GRIK3: variants seen among roughly 807,000 people sequenced by gnomAD.
The protein encoded by GRIK3 is glutamate ionotropic receptor kainate type subunit 3.
A neutral mutation model predicts 102.5 loss-of-function variants in GRIK3; 29 were observed. The observed-to-expected ratio is 0.28, with a 90% CI of 0.21 to 0.39. GRIK3 has a LOEUF of 0.39. GRIK3 is among the 10% of genes least tolerant of loss of function. The pLI, the probability that GRIK3 is intolerant of heterozygous loss-of-function variation, is 1.00. For missense variants in GRIK3, 908 were observed against 1,252.4 expected (o/e 0.73, Z 4.15); for synonymous variants, 511 against 504.9 (o/e 1.01, Z -0.16).
At chr1:36,833,686 C>T (rs867179700) in intron 10 of GRIK3, among the ~76,000 whole-genome samples, 17 of 152,194 alleles carry the variant, frequency 1.1e-4, no homozygotes, top group Admixed American at 1.0e-3. Flanking sequence ...ACAGCGGGGG[C>T]AATGGTAGTG....
intron 5 of GRIK3, among the ~76,000 whole-genome samples, chr1:36,861,153 T>G (rs1640719581): frequency 6.6e-6 from 1 of 152,226 alleles, no homozygotes; most frequent in Non-Finnish European, 1.5e-5. Flanking sequence ...AAATGCTCCT[T>G]GAGTCAGCTT....
In GRIK3 at chr1:36,890,898, G is replaced by A. The variant is rs1009682925; in HGVS notation, c.292+22C>T. 4 of 1,576,460 alleles carry A rather than the reference G, an allele frequency of 2.5e-6. No individual in the cohort carries two copies. The African/African-American group carries it at 5.4e-5, about 21-fold the overall frequency. On this transcript the variant is annotated intron_variant, in intron 2 of 15. Transcript: ENST00000373091. The stretch of plus-strand genomic sequence containing the variant: ...CCCTCCCCAGGCTGGGAAGAGAACA[G>A]AGGCAGGAGCTGCACACTCACCCTT...
At position 36,890,952 on chromosome 1, in the gene GRIK3, T is replaced by C. The variant is rs1641107505; in HGVS notation, c.260A>G (p.His87Arg). The change falls in exon 2 of 16, where the codon CAC (histidine) becomes CGC (arginine). Residue 87 changes from histidine to arginine, a missense_variant. Physicochemically the swap from His to Arg is conservative, Grantham distance 29 (BLOSUM62 0). Transcript: ENST00000373091. ...TTLTYDIQRI[H>R]FHDSFEATKK... Reference sequence around the variant, plus strand: ...GGTCGCCTCGAAGCTGTCATGGAAGTGAATCCTCTGTATGTCATAGGTCAA... The same window carrying C: ...GGTCGCCTCGAAGCTGTCATGGAAGCGAATCCTCTGTATGTCATAGGTCAA... 4 of 1,613,274 alleles carry C rather than the reference T, an allele frequency of 2.5e-6. No homozygotes were observed. In the East Asian group the frequency reaches 8.9e-5, roughly 36 times the overall value.
intron 1 of GRIK3, among the ~76,000 whole-genome samples, chr1:37,031,046 A>G (rs553076604): frequency 1.2e-4 from 18 of 152,280 alleles, no homozygotes; most frequent in South Asian, 4.1e-4. Context: ...GAGGTCACTG[A>G]AGCCCGTTTG....
chr1:36,908,073 A>T (rs898748887), intron 1 of GRIK3, among the ~76,000 whole-genome samples: 2 of 151,166 alleles, frequency 1.3e-5, no homozygotes, highest in South Asian at 4.2e-4. Context: ...CCCTCCCCAC[A>T]CTCCCCACCT....
At chr1:36,847,574 T>C (rs1640533078) in intron 9 of GRIK3, among the ~76,000 whole-genome samples, 1 of 152,200 alleles carries the variant, frequency 6.6e-6, no homozygotes, top group African/African-American at 2.4e-5. Flanking sequence ...CACTGGGGAC[T>C]GGATTTGTAA....
intron 3 of GRIK3, among the ~76,000 whole-genome samples, chr1:36,877,286 A>G (rs2986141): frequency 0.014 from 2,193 of 152,158 alleles, 46 homozygotes; most frequent in African/African-American, 0.045. Flanking sequence ...TTCCAGTTAC[A>G]TGTCTTCAAC....
At chr1:36,902,819 T>C (rs576066533) in intron 1 of GRIK3, among the ~76,000 whole-genome samples, 2 of 152,278 alleles carry the variant, frequency 1.3e-5, no homozygotes, top group African/African-American at 4.8e-5. Context: ...AAACAGGGTC[T>C]TGCTCTGTTG....
intron 2 of GRIK3, among the ~76,000 whole-genome samples, chr1:36,889,122 T>C (rs764362630): frequency 6.6e-6 from 1 of 151,934 alleles, no homozygotes; most frequent in Non-Finnish European, 1.5e-5. Context: ...ATGACCTCTC[T>C]CTCACACACA....
intron 1 of GRIK3, among the ~76,000 whole-genome samples, chr1:36,981,556 A>G (rs1460683111): frequency 6.6e-6 from 1 of 152,120 alleles, no homozygotes; most frequent in Non-Finnish European, 1.5e-5. Flanking sequence ...AGTCCTGGAG[A>G]GAAGAATTTG....
In GRIK3 at chr1:36,994,861, T is replaced by C. The variant is rs536344114; in HGVS notation, c.115+39133A>G. On this transcript the variant is annotated intron_variant, in intron 1 of 15. Transcript: ENST00000373091. The stretch of plus-strand genomic sequence containing the variant: ...ACACACTTCCAGGGTACGTGTTCCC[T>C]TTTTGACTCAGGTTAGATTCTGAAC... Among the ~76,000 whole-genome samples, 4 of 152,332 alleles carry C rather than the reference T, an allele frequency of 2.6e-5. No individual in the cohort carries two copies. The East Asian group carries it at 5.8e-4, about 22-fold the overall frequency.
At chr1:36,859,387 G>T (rs1640693373) in intron 6 of GRIK3, 136 bp from the exon 7 acceptor site, 2 of 947,662 alleles carry the variant, frequency 2.1e-6, no homozygotes, top group Admixed American at 5.2e-5. Flanking sequence ...GGCCCTGGAG[G>T]TGACTCTGTC....
At chr1:36,817,608 C>A (rs75441098) in intron 12 of GRIK3, among the ~76,000 whole-genome samples, 5,927 of 152,262 alleles carry the variant, frequency 0.039, 394 homozygotes, top group African/African-American at 0.14. Context: ...TATACATTCA[C>A]ATTTCACAGG....
At chr1:37,022,176 A>G (rs1321406340) in intron 1 of GRIK3, among the ~76,000 whole-genome samples, 3 of 152,234 alleles carry the variant, frequency 2.0e-5, no homozygotes, top group Admixed American at 6.5e-5. Flanking sequence ...AGTTGTCTAC[A>G]TACCCTTGCA....
rs10630686 is a variant in GRIK3 at position 37,024,445 on chromosome 1, CTATTATTATTAT to C, written c.115+9537_115+9548del. Among the ~76,000 whole-genome samples, 168 of 145,654 alleles carry C rather than the reference CTATTATTATTAT, an allele frequency of 1.2e-3. 1 individual carries two copies. The highest frequency in any genetic ancestry group is 1.8e-3 in the Non-Finnish European group (118 of 66,510). On this transcript the variant is annotated intron_variant, in intron 1 of 15. Transcript: ENST00000373091. ...CAAAAACCCTGTGAGGCAGGTACAACTATTATTATTATTATTATTATTATTATTATTATTTTG... is the reference window on the plus strand; with the variant it reads ...CAAAAACCCTGTGAGGCAGGTACAACTATTATTATTATTATTATTATTTTG...
intron 1 of GRIK3, among the ~76,000 whole-genome samples, chr1:36,983,904 A>C (rs1207934971): frequency 6.6e-6 from 1 of 152,158 alleles, no homozygotes; most frequent in Non-Finnish European, 1.5e-5. Context: ...GGCCTGCTCT[A>C]GTCTCTGTCT....
At chr1:36,803,896 T>A (rs1248117702) in intron 15 of GRIK3, among the ~76,000 whole-genome samples, 2 of 152,222 alleles carry the variant, frequency 1.3e-5, no homozygotes, top group Non-Finnish European at 2.9e-5. Flanking sequence ...TCAGCAAATT[T>A]CCTTGTAAAT....
chr1:36,963,135 C>T (rs1030433757), intron 1 of GRIK3, among the ~76,000 whole-genome samples: 13 of 152,068 alleles, frequency 8.5e-5, no homozygotes, highest in African/African-American at 2.9e-4. Flanking sequence ...GGGGAGGGGT[C>T]GGCTGCATGC....
intron 1 of GRIK3, among the ~76,000 whole-genome samples, chr1:36,957,363 GT>G (rs1641923902): frequency 4.5e-5 from 6 of 133,428 alleles, no homozygotes; most frequent in Non-Finnish European, 6.7e-5. Context: ...TGCCCCCTGA[GT>G]CTGTGCCCTG....
Sources: gnomAD v4.1 joint callset for allele counts (sites outside exome capture counted in the v4.1 genomes callset) on GRCh38, gnomAD v4.1.1 for gene constraint, MANE v1.5 for transcripts, NCBI Gene and HGNC (gene_info 2026-07-23, HGNC 2026-07-21) for gene names.